Variants in RPS6KA5 observed in about 807,000 individuals in gnomAD.
RPS6KA5 encodes ribosomal protein S6 kinase A5, also known as ribosomal protein S6 kinase alpha-5.
Under a neutral mutation model 85.5 loss-of-function variants are expected in RPS6KA5, and 27 were observed. The observed-to-expected ratio is 0.32, with a 90% CI of 0.23 to 0.44. RPS6KA5 has a LOEUF of 0.44. Ranked by LOEUF, RPS6KA5 falls within the 20% of genes least tolerant of loss-of-function variation. The pLI, the probability that RPS6KA5 is intolerant of heterozygous loss-of-function variation, is 1.00. For missense variants in RPS6KA5, 811 were observed against 980.9 expected, an observed-to-expected ratio of 0.83 and a Z score of 2.31; for synonymous variants, 334 against 348.2, an observed-to-expected ratio of 0.96 and a Z score of 0.46.
intron 1 of RPS6KA5, among the ~76,000 whole-genome samples, chr14:91,011,484 CA>C (rs911614175): frequency 4.0e-5 from 6 of 148,812 alleles, no homozygotes; most frequent in Admixed American, 6.7e-5. Flanking sequence ...AACTCTGTCC[CA>C]AAAAAAAAGA....
intron 3 of RPS6KA5, among the ~76,000 whole-genome samples, chr14:90,966,390 A>G (rs2039063062): frequency 1.3e-5 from 2 of 152,252 alleles, no homozygotes; most frequent in African/African-American, 4.8e-5. Flanking sequence ...TCAGGAGTTT[A>G]TGCACACAGT....
intron 1 of RPS6KA5, among the ~76,000 whole-genome samples, chr14:91,028,002 C>G: frequency 6.6e-6 from 1 of 152,292 alleles, no homozygotes; most frequent in Non-Finnish European, 1.5e-5. Context: ...CATATAAAAA[C>G]TACAATGACT....
intron 14 of RPS6KA5, among the ~76,000 whole-genome samples, chr14:90,883,779 G>A (rs2034005376): frequency 6.6e-6 from 1 of 152,120 alleles, no homozygotes; most frequent in Non-Finnish European, 1.5e-5. Context: ...CCTAGGGTTT[G>A]CTTTTTTTGT....
chr14:90,906,158 G>T lies in RPS6KA5; in HGVS notation c.948C>A (p.Leu316=). 1 of 1,601,148 alleles carries T rather than the reference G, an allele frequency of 6.2e-7. No homozygotes were observed. Among genetic ancestry groups the T allele is most frequent in the Non-Finnish European group, 8.5e-7 (1 of 1,170,856 alleles). ...TATTCAATAATTTCACCTGAAAGAA[G>T]AGATGTTCTTTGATTTCATCTGCAT... is the stretch of plus-strand genomic sequence containing the variant. ...PRDADEIKEH[L]FFQKINWDDL... The change falls in exon 8 of 17, where the codon CTC becomes CTA. Residue 316 remains leucine, a synonymous_variant. Transcript: ENST00000614987.
At chr14:91,016,878 A>C (rs940467983) in intron 1 of RPS6KA5, among the ~76,000 whole-genome samples, 21 of 152,124 alleles carry the variant, frequency 1.4e-4, no homozygotes, top group African/African-American at 4.8e-4. Context: ...AAAAAAAAAA[A>C]AAAAAACTGA....
chr14:91,020,624 G>T (rs1054691059), intron 1 of RPS6KA5, among the ~76,000 whole-genome samples: 1 of 146,448 alleles, frequency 6.8e-6, no homozygotes, highest in African/African-American at 2.5e-5. Context: ...TTGTGTGTGT[G>T]TGTGTGTGTG....
intron 5 of RPS6KA5, among the ~76,000 whole-genome samples, chr14:90,939,272 T>C (rs984720948): frequency 6.6e-6 from 1 of 152,206 alleles, no homozygotes. Context: ...TGGATTTCAT[T>C]GTCCATATCA....
At position 90,902,986 on chromosome 14, in the gene RPS6KA5, T is replaced by C. The variant is rs1472759310; in HGVS notation, c.958-17A>G. 3 of 1,602,212 alleles carry C rather than the reference T, an allele frequency of 1.9e-6. No individual in the cohort carries two copies. The African/African-American group carries it at 4.0e-5, about 22-fold the overall frequency. ...ATTTATTTTCTAAAACAAAGAAAGT[T>C]GGTACAAAGTAGAAATCAATAGTCA... On this transcript the variant is annotated splice_polypyrimidine_tract_variant and intron_variant, in intron 8 of 16. Coordinates refer to ENST00000614987, the MANE Select transcript of RPS6KA5 (RefSeq NM_004755.4).
chr14:90,923,428 T>TCATCCATCCATC (rs3832953), intron 5 of RPS6KA5, among the ~76,000 whole-genome samples: 3,747 of 150,922 alleles, frequency 0.025, 155 homozygotes, highest in African/African-American at 0.087. Flanking sequence ...AATGGTACCA[T>TCATCCATCCATC]CATCCATCCA....
chr14:90,907,807 T>C (rs961271053), intron 7 of RPS6KA5, among the ~76,000 whole-genome samples: 1 of 152,218 alleles, frequency 6.6e-6, no homozygotes, highest in Admixed American at 6.5e-5. Flanking sequence ...GACAATCCTC[T>C]TCTCAGATCA....
At chr14:90,894,709 C>G (rs910353829) in intron 12 of RPS6KA5, 126 bp from the exon 13 acceptor site, 2 of 1,090,750 alleles carry the variant, frequency 1.8e-6, no homozygotes, top group Admixed American at 5.7e-5. Flanking sequence ...TAATCAATGG[C>G]AATCCTCATA....
chr14:90,886,812 T>C (rs1351251642), intron 14 of RPS6KA5, among the ~76,000 whole-genome samples: 1 of 152,262 alleles, frequency 6.6e-6, no homozygotes, highest in Non-Finnish European at 1.5e-5. Flanking sequence ...TAAAGTCCTA[T>C]ACATTTCAGA....
At position 90,987,490 on chromosome 14, in the gene RPS6KA5, T is replaced by TA. The variant is rs35675951; in HGVS notation, c.176-8967dup. Among the ~76,000 whole-genome samples, 645 of 151,750 alleles carry TA rather than the reference T, an allele frequency of 4.3e-3. 4 individuals are homozygous for TA. The highest frequency in any genetic ancestry group is 0.014 in the African/African-American group (594 of 41,328). ...GAAATGTGTTACTCTAAATCTGTAG[T>TA]AAAAAAAAGATTGGAGGGAAAAAAA... On this transcript the variant is annotated intron_variant, in intron 2 of 16. Transcript: ENST00000614987.
intron 16 of RPS6KA5, 28 bp from the exon 17 acceptor site, chr14:90,872,350 G>A (rs368621978): frequency 1.3e-5 from 20 of 1,584,956 alleles, no homozygotes; most frequent in African/African-American, 2.7e-5. Context: ...GGGAACCCCT[G>A]TGAAGGTAAA....
intron 7 of RPS6KA5, among the ~76,000 whole-genome samples, chr14:90,918,411 T>C (rs1489150814): frequency 6.6e-6 from 1 of 152,222 alleles, no homozygotes; most frequent in African/African-American, 2.4e-5. Context: ...GAATTCTTTA[T>C]ACATTCTGGA....
chr14:91,001,703 G>A (rs756708611), intron 1 of RPS6KA5, among the ~76,000 whole-genome samples: 5 of 152,040 alleles, frequency 3.3e-5, no homozygotes, highest in African/African-American at 4.8e-5. Context: ...TGAACTCTAG[G>A]ATCCCTGTCA....
chr14:91,028,695 T>C (rs1488994706), intron 1 of RPS6KA5, among the ~76,000 whole-genome samples: 2 of 152,060 alleles, frequency 1.3e-5, no homozygotes, highest in African/African-American at 4.8e-5. Flanking sequence ...ATTTTTTGTA[T>C]TTTTAGTAGA....
intron 1 of RPS6KA5, among the ~76,000 whole-genome samples, chr14:91,042,741 T>TA (rs1272213025): frequency 1.4e-5 from 2 of 142,416 alleles, no homozygotes; most frequent in Non-Finnish European, 3.0e-5. Flanking sequence ...TCGGACCTCC[T>TA]AACCCCCCAG....
intron 2 of RPS6KA5, among the ~76,000 whole-genome samples, chr14:90,991,536 T>C (rs1373814858): frequency 2.0e-5 from 3 of 151,980 alleles, no homozygotes; most frequent in Non-Finnish European, 4.4e-5. Context: ...ACCCTGTCTC[T>C]ACTAAAAATA....
Sources: gnomAD v4.1 joint callset for allele counts (sites outside exome capture counted in the v4.1 genomes callset) on GRCh38, gnomAD v4.1.1 for gene constraint, MANE v1.5 for transcripts, NCBI Gene and HGNC (gene_info 2026-07-23, HGNC 2026-07-21) for gene names.